The following CMYA5 variants were observed in gnomAD, a reference collection of about 807,000 sequenced individuals.
CMYA5 encodes cardiomyopathy-associated protein 5.
In CMYA5, 246 loss-of-function variants were observed where a neutral mutation model predicts 318.9. That is an observed-to-expected ratio of 0.77 (90% CI 0.70 to 0.86). CMYA5 has a LOEUF of 0.86. CMYA5 is among the 40% of genes least tolerant of loss of function. CMYA5 has a pLI of 0.00. For missense variants in CMYA5, 4,589 were observed against 4,678.2 expected (o/e 0.98, Z 0.56); for synonymous variants, 1,641 against 1,729.5 (o/e 0.95, Z 1.27).
chr5:79,748,540 T>C (rs80200428), intron 5 of CMYA5, among the ~76,000 whole-genome samples: 2 of 148,322 alleles, frequency 1.3e-5, no homozygotes, highest in African/African-American at 5.3e-5. Flanking sequence ...TATCTATCTA[T>C]CTATCTATCT....
At chr5:79,757,817 T>C (rs1828559972) in intron 6 of CMYA5, among the ~76,000 whole-genome samples, 1 of 152,238 alleles carries the variant, frequency 6.6e-6, no homozygotes, top group Non-Finnish European at 1.5e-5. Context: ...TAGAAGAGTA[T>C]TCTCAAGTGA....
chr5:79,760,216 C>A (rs990890994), intron 7 of CMYA5, among the ~76,000 whole-genome samples: 2 of 151,544 alleles, frequency 1.3e-5, no homozygotes, highest in Admixed American at 1.3e-4. Context: ...TGGGTTTCAC[C>A]CCCACCCCAA....
intron 9 of CMYA5, among the ~76,000 whole-genome samples, chr5:79,773,003 A>G (rs1295526088): frequency 6.6e-6 from 1 of 152,214 alleles, no homozygotes; most frequent in Non-Finnish European, 1.5e-5. Context: ...AATACAAACA[A>G]TTCCTCCTTT....
chr5:79,763,104 G>A lies in CMYA5; in HGVS notation c.11450G>A (p.Cys3817Tyr). 1 of 1,613,812 alleles carries A rather than the reference G, an allele frequency of 6.2e-7. No individual in the cohort carries two copies. Among genetic ancestry groups the A allele is most frequent in the Non-Finnish European group, 8.5e-7 (1 of 1,179,862 alleles). ...PVIRAEDCTV[C>Y]WNTATIRWRP... ...ATCCGCGCTGAGGACTGTACTGTGT[G>A]TTGGAACACAGCCACTATCCGATGG... Residue 3817 changes from cysteine (C) to tyrosine (Y), a missense_variant, in exon 9 of 13, where the codon TGT becomes TAT. Transcript: ENST00000446378.
intron 1 of CMYA5, among the ~76,000 whole-genome samples, chr5:79,717,893 T>TGCTGAACTGTTATTCAGCAATGCA (rs1339573535): frequency 5.4e-5 from 5 of 93,370 alleles, no homozygotes; most frequent in African/African-American, 1.2e-4. Flanking sequence ...TATTTTTTTT[T>TGCTGAACTGTTATTCAGCAATGCA]TTTTTTTTTT....
rs772314474 is a variant in CMYA5 at position 79,690,035 on chromosome 5, CGGA to C, written c.136_138del (p.Glu46del). The stretch of plus-strand genomic sequence containing the variant: ...GAGGAGGACGAGACGGCGGCGGAGT[CGGA>C]GGAGGAGCCGGACTCCAGGTAGCGC... On this transcript the variant is annotated inframe_deletion, in exon 1 of 13. Transcript: ENST00000446378. 2.0e-6 allele frequency: 3 copies of C among 1,464,990 alleles called. No individual in the cohort carries two copies. In the East Asian group the frequency reaches 8.6e-5, roughly 42 times the overall value. The allele number at this position is 1,464,990 out of a possible 1,614,324, so 90.7% of individuals were successfully genotyped here. A position where few individuals can be genotyped will look rare whatever the true frequency, so the allele number is the denominator to read the frequency against.
At position 79,789,026 on chromosome 5, in the gene CMYA5, A is replaced by T. The variant is rs1245326313; in HGVS notation, c.11611A>T (p.Asn3871Tyr). 1 of 1,613,900 alleles carries T rather than the reference A, an allele frequency of 6.2e-7. No individual in the cohort carries two copies. The highest frequency in any genetic ancestry group is 1.7e-5 in the Admixed American group (1 of 60,024). Residue 3871 changes from asparagine (N) to tyrosine (Y), a missense_variant, in exon 10 of 13, where the codon AAC becomes TAC. Asn to Tyr is a moderately radical substitution (Grantham distance 143). Transcript: ENST00000446378. Reference protein sequence around the residue: ...QLKVNLQPNDNYFFYVRAINA... With the variant: ...QLKVNLQPNDYYFFYVRAINA... ...GAAAGTTAACCTCCAACCCAATGAT[A>T]ACTACTTTTTCTATGTGAGGGCCAT...
At chr5:79,753,587 AAAC>A (rs143793468) in intron 6 of CMYA5, among the ~76,000 whole-genome samples, 3 of 151,642 alleles carry the variant, frequency 2.0e-5, no homozygotes, top group Admixed American at 6.6e-5. Context: ...CCATGTCTAA[AAAC>A]AACAACAACA....
chr5:79,725,777 A>C (rs1580761807), intron 1 of CMYA5, among the ~76,000 whole-genome samples: 1 of 152,144 alleles, frequency 6.6e-6, no homozygotes, highest in East Asian at 1.9e-4. Flanking sequence ...TATGACACGC[A>C]CCTGTAATCC....
chr5:79,742,117 TTCTTCTTCCTCC>T (rs1828226671), intron 2 of CMYA5, among the ~76,000 whole-genome samples: 2 of 144,190 alleles, frequency 1.4e-5, no homozygotes, highest in Non-Finnish European at 3.0e-5. Flanking sequence ...TCTCTTCTTC[TTCTTCTTCCTCC>T]TCCTCCCCTT....
chr5:79,727,600 G>A (rs1827774642), intron 1 of CMYA5, among the ~76,000 whole-genome samples: 1 of 152,196 alleles, frequency 6.6e-6, no homozygotes, highest in South Asian at 2.1e-4. Flanking sequence ...GAGGAAATAT[G>A]TTTATGAAGT....
At chr5:79,795,041 A>G (rs1185013176) in intron 12 of CMYA5, among the ~76,000 whole-genome samples, 1 of 152,194 alleles carries the variant, frequency 6.6e-6, no homozygotes, top group Non-Finnish European at 1.5e-5. Flanking sequence ...TCAAATCTTT[A>G]AAAAGCCCAC....
chr5:79,790,996 A>G lies in CMYA5; in HGVS notation c.11716A>G (p.Thr3906Ala), dbSNP rs762240242. 2 of 1,613,726 alleles carry G rather than the reference A, an allele frequency of 1.2e-6. No individual in the cohort carries two copies. The highest frequency in any genetic ancestry group is 8.5e-7 in the Non-Finnish European group (1 of 1,179,768). ...RGTRFLLLRE[T>A]AHPALHISSS... The stretch of plus-strand genomic sequence containing the variant: ...AACCAGATTTCTCTTGTTGAGAGAA[A>G]CAGCTCATCCTGCTCTACACATTTC... Residue 3906 changes from threonine (T) to alanine (A), a missense_variant, in exon 11 of 13, where the codon ACA becomes GCA. Physicochemically the swap from Thr to Ala is moderately conservative, Grantham distance 58. Transcript: ENST00000446378.
chr5:79,747,541 T>C (rs977517972), intron 5 of CMYA5, among the ~76,000 whole-genome samples: 3 of 152,246 alleles, frequency 2.0e-5, no homozygotes, highest in Non-Finnish European at 4.4e-5. Flanking sequence ...AAGATAGTCA[T>C]GCATTTATCT....
At chr5:79,756,982 A>G (rs1828541781) in intron 6 of CMYA5, among the ~76,000 whole-genome samples, 1 of 152,038 alleles carries the variant, frequency 6.6e-6, no homozygotes, top group African/African-American at 2.4e-5. Context: ...ACCTGAGGTC[A>G]AGGAGTTTGA....
chr5:79,776,461 A>T (rs1001680253), intron 9 of CMYA5, among the ~76,000 whole-genome samples: 1 of 152,082 alleles, frequency 6.6e-6, no homozygotes, highest in Non-Finnish European at 1.5e-5. Context: ...TTTATATTTA[A>T]TGTTGCTCAT....
chr5:79,747,062 C>T (rs752134556), intron 4 of CMYA5, 29 bp from the exon 5 acceptor site: 38 of 1,291,248 alleles, frequency 2.9e-5, no homozygotes, highest in Middle Eastern at 3.6e-4. Flanking sequence ...CTCTCTTCTC[C>T]TCCTCCTTCC....
Position 79,729,237 on chromosome 5 carries a change from T to A in CMYA5, c.472T>A (p.Ser158Thr). The A allele has an allele frequency of 6.2e-7, 1 of 1,612,734 alleles. No individual in the cohort carries two copies. The highest frequency in any genetic ancestry group is 1.1e-5 in the South Asian group (1 of 90,692). The change falls in exon 2 of 13, where the codon TCC becomes ACC. Residue 158 changes from serine (S) to threonine (T), a missense_variant. Physicochemically the swap from Ser to Thr is moderately conservative, Grantham distance 58. This residue lies in a region of CMYA5 where 2,132 missense variants were observed against 2,131.3 expected (regional missense o/e 1.00). Coordinates refer to ENST00000446378, the MANE Select transcript of CMYA5 (RefSeq NM_153610.5). ...KGNRKRNSFESQDVPTNKKGS... is the reference protein window; with the variant it reads ...KGNRKRNSFETQDVPTNKKGS... The stretch of plus-strand genomic sequence containing the variant: ...CAACAGAAAAAGAAATTCTTTTGAA[T>A]CCCAAGATGTTCCAACAAACAAAAA...
At chr5:79,715,437 G>A (rs556547027) in intron 1 of CMYA5, among the ~76,000 whole-genome samples, 4 of 152,136 alleles carry the variant, frequency 2.6e-5, no homozygotes, top group Middle Eastern at 3.4e-3. Context: ...ACAGGCGCCC[G>A]CCACCACGCC....
Sources: gnomAD v4.1 joint callset for allele counts (sites outside exome capture counted in the v4.1 genomes callset) on GRCh38, gnomAD v4.1.1 for gene constraint, gnomAD v4.1.1 regional missense constraint, MANE v1.5 for transcripts, NCBI Gene and HGNC (gene_info 2026-07-23, HGNC 2026-07-21) for gene names.